Variants in DOCK2 observed in about 807,000 individuals in gnomAD.
The protein encoded by DOCK2 is dedicator of cytokinesis 2.
A neutral mutation model predicts 248.9 loss-of-function variants in DOCK2; 87 were observed. The observed-to-expected ratio is 0.35, with a 90% confidence interval of 0.29 to 0.42. The LOEUF (loss-of-function observed/expected upper bound fraction) is 0.42. Ranked by LOEUF, DOCK2 falls within the 10% of genes least tolerant of loss-of-function variation. DOCK2 has a pLI of 1.00. For synonymous variants in DOCK2, 805 were observed against 821.6 expected, an observed-to-expected ratio of 0.98 and a Z score of 0.35; for missense variants, 1,747 against 2,300.2, an observed-to-expected ratio of 0.76 and a Z score of 4.92.
intron 27 of DOCK2, among the ~76,000 whole-genome samples, chr5:169,887,487 A>G (rs1773040144): frequency 6.6e-6 from 1 of 152,214 alleles, no homozygotes; most frequent in Non-Finnish European, 1.5e-5. Context: ...GCATACACAG[A>G]CAAGCTTATG....
At chr5:169,861,214 C>T (rs1032929600) in intron 27 of DOCK2, among the ~76,000 whole-genome samples, 1 of 152,190 alleles carries the variant, frequency 6.6e-6, no homozygotes, top group Non-Finnish European at 1.5e-5. Flanking sequence ...ATAATGAAAG[C>T]CATACTTGCC....
At chr5:169,879,865 T>C (rs1772535891) in intron 27 of DOCK2, among the ~76,000 whole-genome samples, 2 of 152,166 alleles carry the variant, frequency 1.3e-5, no homozygotes, top group Admixed American at 6.5e-5. Flanking sequence ...TTTTTACTTA[T>C]ATAGGCCAAA....
chr5:169,753,517 T>C (rs369355378), intron 23 of DOCK2, among the ~76,000 whole-genome samples: 2 of 152,164 alleles, frequency 1.3e-5, no homozygotes, highest in Non-Finnish European at 2.9e-5. Flanking sequence ...ATGAGGAAAA[T>C]GAGGCTTAAA....
intron 27 of DOCK2, among the ~76,000 whole-genome samples, chr5:169,877,790 A>C (rs1772412963): frequency 1.3e-5 from 2 of 152,208 alleles, no homozygotes; most frequent in Non-Finnish European, 2.9e-5. Flanking sequence ...CAGTCTGTCC[A>C]GGTGGACCCT....
chr5:169,727,957 G>T (rs948592026), intron 22 of DOCK2, among the ~76,000 whole-genome samples: 4 of 152,140 alleles, frequency 2.6e-5, no homozygotes, highest in Non-Finnish European at 5.9e-5. Context: ...GATGGAGACG[G>T]GTGATCAATG....
chr5:170,027,899 G>C lies in DOCK2; in HGVS notation c.3418G>C (p.Val1140Leu). 6.2e-7 allele frequency: 1 copy of C among 1,613,402 alleles called. No individual in the cohort carries two copies. The highest frequency in any genetic ancestry group is 8.5e-7 in the Non-Finnish European group (1 of 1,179,566). ...NEIILKLDHE[V>L]EGGRGDEQYM... Reference sequence around the variant, plus strand: ...AATCATCCTGAAGCTGGACCACGAGGTAGAAGGGGGCCGAGGCGACGAGCA... The same window carrying C: ...AATCATCCTGAAGCTGGACCACGAGCTAGAAGGGGGCCGAGGCGACGAGCA... Residue 1140 changes from valine to leucine, a missense_variant, in exon 34 of 52, where the codon GTA becomes CTA. Transcript: ENST00000520908.
At chr5:170,076,849 T>C (rs1178953479) in intron 47 of DOCK2, among the ~76,000 whole-genome samples, 1 of 152,202 alleles carries the variant, frequency 6.6e-6, no homozygotes, top group Non-Finnish European at 1.5e-5. Flanking sequence ...GAAGTCCCTG[T>C]AATGCAATTC....
intron 29 of DOCK2, among the ~76,000 whole-genome samples, chr5:169,990,796 C>G (rs1778187208): frequency 6.6e-6 from 1 of 152,216 alleles, no homozygotes; most frequent in South Asian, 2.1e-4. Context: ...GTGAATCTCA[C>G]CAGATAGGGC....
intron 27 of DOCK2, among the ~76,000 whole-genome samples, chr5:169,929,517 G>T (rs906332691): frequency 6.6e-6 from 1 of 152,174 alleles, no homozygotes. Context: ...GGGGAGGATT[G>T]CTTGAGCCCA....
At chr5:169,746,664 A>G (rs1261113770) in intron 22 of DOCK2, among the ~76,000 whole-genome samples, 3 of 152,188 alleles carry the variant, frequency 2.0e-5, no homozygotes, top group Admixed American at 2.0e-4. Flanking sequence ...GGTTGATAAC[A>G]GGCAGGTACC....
intron 27 of DOCK2, among the ~76,000 whole-genome samples, chr5:169,910,283 G>T (rs1774521596): frequency 6.6e-6 from 1 of 152,134 alleles, no homozygotes; most frequent in Non-Finnish European, 1.5e-5. Context: ...TTCCAAGCCG[G>T]TTACCACCGC....
chr5:169,814,241 C>G (rs1000235394), intron 26 of DOCK2, among the ~76,000 whole-genome samples: 10 of 152,198 alleles, frequency 6.6e-5, no homozygotes, highest in African/African-American at 2.4e-4. Flanking sequence ...ACGTCATGTG[C>G]CTCCTGACAC....
At position 170,008,728 on chromosome 5, in the gene DOCK2, G is replaced by A; in HGVS notation, c.3214G>A (p.Asp1072Asn). ...ACGGCTAATTGGCTTCTCCATCCGTGATATGTGGTACAAGCTTGGTGAGTA... is the reference window on the plus strand; with the variant it reads ...ACGGCTAATTGGCTTCTCCATCCGTAATATGTGGTACAAGCTTGGTGAGTA... ...MRRLIGFSIR[D>N]MWYKLGQNKI... The change falls in exon 32 of 52, where the codon GAT becomes AAT. Residue 1072 changes from aspartate to asparagine, a missense_variant. This residue lies in a region of DOCK2 where 858 missense variants were observed against 1,183.5 expected (regional missense o/e 0.72). Transcript: ENST00000520908. The A allele has an allele frequency of 1.9e-6, 3 of 1,614,042 alleles. No homozygotes were observed. The highest frequency in any genetic ancestry group is 2.5e-6 in the Non-Finnish European group (3 of 1,179,960).
chr5:169,800,736 A>G (rs1766910478), intron 25 of DOCK2, among the ~76,000 whole-genome samples: 2 of 152,060 alleles, frequency 1.3e-5, no homozygotes, highest in South Asian at 4.1e-4. Flanking sequence ...AAGTAAAAAC[A>G]AATGTATTTA....
At chr5:169,849,897 C>A (rs1348454632) in intron 27 of DOCK2, among the ~76,000 whole-genome samples, 1 of 152,142 alleles carries the variant, frequency 6.6e-6, no homozygotes, top group South Asian at 2.1e-4. Context: ...TTACGGTTGT[C>A]CTTGGCCTGC....
At chr5:169,726,958 A>C (rs1217347748) in intron 22 of DOCK2, among the ~76,000 whole-genome samples, 1 of 152,104 alleles carries the variant, frequency 6.6e-6, no homozygotes, top group Non-Finnish European at 1.5e-5. Flanking sequence ...TGCGGTGGCT[A>C]CTGGAGAGGC....
intron 23 of DOCK2, among the ~76,000 whole-genome samples, chr5:169,755,559 A>C (rs1222956142): frequency 6.6e-6 from 1 of 152,094 alleles, no homozygotes; most frequent in Non-Finnish European, 1.5e-5. Flanking sequence ...ACTGGCCAAC[A>C]TAGTGAAATC....
At chr5:169,797,376 G>T (rs1274876665) in intron 25 of DOCK2, among the ~76,000 whole-genome samples, 2 of 152,212 alleles carry the variant, frequency 1.3e-5, no homozygotes, top group African/African-American at 4.8e-5. Context: ...GCTGATACTG[G>T]CAAGGAGCAG....
intron 48 of DOCK2, 112 bp from the exon 49 acceptor site, chr5:170,078,863 G>C (rs934486439): frequency 8.1e-7 from 1 of 1,239,302 alleles, no homozygotes; most frequent in African/African-American, 1.5e-5. Context: ...TCCAGACCCT[G>C]TAGTGACAGC....
Sources: gnomAD v4.1 joint callset for allele counts (sites outside exome capture counted in the v4.1 genomes callset) on GRCh38, gnomAD v4.1.1 for gene constraint, gnomAD v4.1.1 regional missense constraint, MANE v1.5 for transcripts, NCBI Gene and HGNC (gene_info 2026-07-23, HGNC 2026-07-21) for gene names.